Variants in FNDC3B observed in about 807,000 individuals in gnomAD.
FNDC3B encodes the protein fibronectin type III domain-containing protein 3B.
A neutral mutation model predicts 151.5 loss-of-function variants in FNDC3B; 12 were observed. The ratio of observed to expected loss-of-function variants is 0.08; its 90% CI spans 0.05 to 0.13. The LOEUF is 0.13. FNDC3B is among the 10% of genes least tolerant of loss of function. The probability of loss-of-function intolerance (pLI) is 1.00; values close to 1 mark genes in which losing one functional copy is unlikely to be tolerated. For synonymous variants in FNDC3B, 528 were observed against 549.0 expected, an observed-to-expected ratio of 0.96 and a Z score of 0.54; for missense variants, 1,214 against 1,505.3, an observed-to-expected ratio of 0.81 and a Z score of 3.20.
intron 21 of FNDC3B, among the ~76,000 whole-genome samples, chr3:172,350,155 G>C (rs2108320997): frequency 6.6e-6 from 1 of 152,312 alleles, no homozygotes; most frequent in Admixed American, 6.5e-5. Context: ...TTCCCAGTGG[G>C]AAGGAAGAAA....
At chr3:172,355,822 T>A (rs1734068951) in intron 22 of FNDC3B, among the ~76,000 whole-genome samples, 1 of 152,174 alleles carries the variant, frequency 6.6e-6, no homozygotes, top group Admixed American at 6.5e-5. Context: ...CTTCTTTAAA[T>A]GTTTTCAGGT....
chr3:172,207,030 G>A (rs559567567), intron 3 of FNDC3B, among the ~76,000 whole-genome samples: 3 of 151,952 alleles, frequency 2.0e-5, no homozygotes, highest in African/African-American at 4.8e-5. Context: ...TGTTTTGGAG[G>A]GGCTACCAAA....
intron 4 of FNDC3B, among the ~76,000 whole-genome samples, chr3:172,231,281 A>G (rs759981010): frequency 1.3e-4 from 20 of 152,184 alleles, no homozygotes; most frequent in African/African-American, 3.4e-4. Context: ...AAATAAATCA[A>G]TGGTTGCCAG....
At chr3:172,295,667 T>C (rs1206606841) in intron 8 of FNDC3B, among the ~76,000 whole-genome samples, 153 bp downstream of exon 8, 1 of 152,236 alleles carries the variant, frequency 6.6e-6, no homozygotes, top group African/African-American at 2.4e-5. Flanking sequence ...TAAGAATTCA[T>C]TGTGTCCAGA....
In FNDC3B at chr3:172,378,362, G is replaced by A. The variant is rs373592423; in HGVS notation, c.3101G>A (p.Ser1034Asn). 5 of 1,613,922 alleles carry A rather than the reference G, an allele frequency of 3.1e-6. No individual in the cohort carries two copies. Among genetic ancestry groups the A allele is most frequent in the Non-Finnish European group, 4.2e-6 (5 of 1,179,986 alleles). Residue 1034 changes from serine to asparagine, a missense_variant, in exon 24 of 26, where the codon AGC becomes AAC. This residue lies in a region of FNDC3B where 284 missense variants were observed against 392.4 expected (regional missense o/e 0.72). Coordinates refer to ENST00000415807, the MANE Select transcript of FNDC3B (RefSeq NM_022763.4). ...TCYSFRIQAA[S>N]EAGEGPFSET... ...TACTCCTTCAGAATCCAGGCAGCAAGCGAGGCTGGAGAAGGGCCCTTCTCA... is the reference window on the plus strand; with the variant it reads ...TACTCCTTCAGAATCCAGGCAGCAAACGAGGCTGGAGAAGGGCCCTTCTCA...
intron 1 of FNDC3B, among the ~76,000 whole-genome samples, chr3:172,100,040 T>A (rs1719306077): frequency 6.6e-6 from 1 of 152,214 alleles, no homozygotes; most frequent in African/African-American, 2.4e-5. Flanking sequence ...TGACATTAAC[T>A]GAAAAATATT....
chr3:172,361,969 G>C (rs1476611820), intron 22 of FNDC3B, among the ~76,000 whole-genome samples: 1 of 152,052 alleles, frequency 6.6e-6, no homozygotes, highest in African/African-American at 2.4e-5. Flanking sequence ...ACCACGCCTG[G>C]CCTAAAATAA....
At chr3:172,108,923 G>A (rs1376189793) in intron 1 of FNDC3B, among the ~76,000 whole-genome samples, 1 of 152,124 alleles carries the variant, frequency 6.6e-6, no homozygotes, top group Non-Finnish European at 1.5e-5. Flanking sequence ...GCAGGCAGTT[G>A]GCTTTTAAGT....
intron 1 of FNDC3B, among the ~76,000 whole-genome samples, chr3:172,051,220 A>C (rs1460719802): frequency 6.6e-6 from 1 of 151,142 alleles, no homozygotes; most frequent in Non-Finnish European, 1.5e-5. Context: ...AGTAGCTGGG[A>C]TTACAGGCAT....
In FNDC3B at chr3:172,251,299, G is replaced by A. The variant is rs780386473; in HGVS notation, c.548G>A (p.Arg183Gln). ...TATGGAATGTCAACCTACATCACCC[G>A]AGAAGACCAGTACAGCAAGCCTCCG... ...PFYGMSTYIT[R>Q]EDQYSKPPHK... is the part of the protein sequence containing the mutation. Residue 183 changes from arginine to glutamine, a missense_variant, in exon 6 of 26, where the codon CGA becomes CAA. Physicochemically the swap from Arg to Gln is conservative, Grantham distance 43 (BLOSUM62 1). Transcript: ENST00000415807. 22 of 1,613,106 alleles carry A rather than the reference G, an allele frequency of 1.4e-5. No homozygotes were observed. Among genetic ancestry groups the A allele is most frequent in the African/African-American group, 1.3e-5 (1 of 74,766 alleles).
chr3:172,107,114 C>G (rs912122931), intron 1 of FNDC3B, among the ~76,000 whole-genome samples: 2 of 152,112 alleles, frequency 1.3e-5, no homozygotes, highest in East Asian at 3.9e-4. Flanking sequence ...GGAAGTTAAT[C>G]ACAAGTGCCC....
intron 1 of FNDC3B, among the ~76,000 whole-genome samples, chr3:172,104,406 T>G (rs1434133332): frequency 6.6e-6 from 1 of 152,028 alleles, no homozygotes; most frequent in East Asian, 1.9e-4. Context: ...CTATAGTTTT[T>G]TTTTTTTTTT....
intron 6 of FNDC3B, 52 bp from the exon 7 acceptor site, chr3:172,285,874 C>G (rs761866070): frequency 5.9e-5 from 84 of 1,415,422 alleles, no homozygotes; most frequent in Middle Eastern, 3.5e-4. Context: ...ACTTGACAAC[C>G]TTACTGCCTT....
chr3:172,341,257 A>G (rs751371915), intron 17 of FNDC3B, 26 bp downstream of exon 17: 2 of 1,503,816 alleles, frequency 1.3e-6, no homozygotes, highest in East Asian at 4.5e-5. Context: ...ATATGAAAGT[A>G]AACCTCATTG....
chr3:172,044,283 C>CTT (rs767357950), intron 1 of FNDC3B, among the ~76,000 whole-genome samples: 2,119 of 110,340 alleles, frequency 0.019, 62 homozygotes, highest in African/African-American at 0.074. Flanking sequence ...AATTCCAACT[C>CTT]TTTTTTTTTT....
rs1159056454 is a variant in FNDC3B at position 172,133,521 on chromosome 3, G to T, written c.162G>T (p.Glu54Asp). 5.0e-6 allele frequency: 8 copies of T among 1,612,856 alleles called. No individual in the cohort carries two copies. The highest frequency in any genetic ancestry group is 6.8e-6 in the Non-Finnish European group (8 of 1,179,076). ...GTGAGACTTTCACAATAAGAGCAGAGGATGGAACACTTCAGTGCATTCAAG... is the reference window on the plus strand; with the variant it reads ...GTGAGACTTTCACAATAAGAGCAGATGATGGAACACTTCAGTGCATTCAAG... ...NPGETFTIRA[E>D]DGTLQCIQGP... The change falls in exon 3 of 26, where the codon GAG becomes GAT. Residue 54 changes from glutamate to aspartate, a missense_variant. Glu to Asp is a conservative substitution (Grantham distance 45). Coordinates refer to ENST00000415807, the MANE Select transcript of FNDC3B (RefSeq NM_022763.4).
At chr3:172,267,614 A>G (rs956728110) in intron 6 of FNDC3B, among the ~76,000 whole-genome samples, 1 of 152,260 alleles carries the variant, frequency 6.6e-6, no homozygotes, top group Non-Finnish European at 1.5e-5. Flanking sequence ...GTTAAATATC[A>G]GAATCTGTAT....
chr3:172,187,035 A>C, intron 3 of FNDC3B: 1 of 338,082 alleles, frequency 3.0e-6, no homozygotes, highest in South Asian at 6.9e-5. Context: ...AGTCCACCTG[A>C]AAGAGTCCTT....
At chr3:172,139,378 A>G (rs1407862162) in intron 3 of FNDC3B, among the ~76,000 whole-genome samples, 2 of 152,198 alleles carry the variant, frequency 1.3e-5, no homozygotes, top group East Asian at 3.9e-4. Flanking sequence ...TTCAAAAGCA[A>G]AGCATGCATA....
Sources: gnomAD v4.1 joint callset for allele counts (sites outside exome capture counted in the v4.1 genomes callset) on GRCh38, gnomAD v4.1.1 for gene constraint, gnomAD v4.1.1 regional missense constraint, MANE v1.5 for transcripts, NCBI Gene and HGNC (gene_info 2026-07-23, HGNC 2026-07-21) for gene names.